Variants in TTBK2 observed in about 807,000 individuals in gnomAD.
TTBK2 encodes tau tubulin kinase 2.
A neutral mutation model predicts 110.8 loss-of-function variants in TTBK2; 28 were observed. The observed-to-expected ratio is 0.25, with a 90% CI of 0.19 to 0.35. TTBK2 has a LOEUF of 0.35. Ranked by LOEUF, TTBK2 falls within the 10% of genes least tolerant of loss-of-function variation. The probability of loss-of-function intolerance (pLI) is 1.00; values close to 1 mark genes in which losing one functional copy is unlikely to be tolerated. For synonymous variants in TTBK2, 532 were observed against 527.3 expected (o/e 1.01, Z -0.12); for missense variants, 1,369 against 1,500.3 (o/e 0.91, Z 1.45).
At chr15:42,750,845 G>A (rs546603984) in intron 14 of TTBK2, among the ~76,000 whole-genome samples, 12 of 152,180 alleles carry the variant, frequency 7.9e-5, no homozygotes, top group Non-Finnish European at 1.5e-4. Flanking sequence ...CAAAGACAGA[G>A]AATCTTGAGA....
chr15:42,814,355 G>A (rs534161648), intron 7 of TTBK2, among the ~76,000 whole-genome samples: 27 of 152,308 alleles, frequency 1.8e-4, no homozygotes, highest in African/African-American at 6.3e-4. Flanking sequence ...AAGGCTAGAA[G>A]ACTGCTTGAG....
At chr15:42,833,620 C>T (rs1892866144) in intron 4 of TTBK2, among the ~76,000 whole-genome samples, 2 of 152,106 alleles carry the variant, frequency 1.3e-5, no homozygotes, top group Non-Finnish European at 2.9e-5. Context: ...CATCTATAAT[C>T]CCAACACTTT....
intron 3 of TTBK2, among the ~76,000 whole-genome samples, chr15:42,858,623 C>T (rs1229354536): frequency 6.6e-6 from 1 of 152,092 alleles, no homozygotes; most frequent in Non-Finnish European, 1.5e-5. Context: ...CAAAGCCGAA[C>T]AAGTGAAAAA....
intron 1 of TTBK2, among the ~76,000 whole-genome samples, chr15:42,900,944 T>C (rs1471421720): frequency 6.6e-6 from 1 of 152,090 alleles, no homozygotes; most frequent in East Asian, 1.9e-4. Context: ...TTTCAACAAA[T>C]GATGTTGGGG....
In TTBK2 at chr15:42,906,048, C is replaced by T. The variant is rs148551660; in HGVS notation, c.-68+14390G>A. On this transcript the variant is annotated intron_variant, in intron 1 of 14. Transcript: ENST00000267890. ...TACTAAAAATACAAAATTAGCTGGG[C>T]GTGGTAGTGCATGCCTGTAATCCCA... Among the ~76,000 whole-genome samples the T allele has an allele frequency of 2.4e-3, 370 of 152,126 alleles. 1 individual carries two copies. The highest frequency in any genetic ancestry group is 8.5e-3 in the African/African-American group (353 of 41,516).
At chr15:42,861,445 C>A (rs950435040) in intron 3 of TTBK2, among the ~76,000 whole-genome samples, 2 of 152,112 alleles carry the variant, frequency 1.3e-5, no homozygotes, top group African/African-American at 4.8e-5. Context: ...CCAAAAAGAT[C>A]TATCAAAACT....
intron 3 of TTBK2, among the ~76,000 whole-genome samples, chr15:42,859,596 C>T (rs1894077036): frequency 6.6e-6 from 1 of 152,100 alleles, no homozygotes; most frequent in Non-Finnish European, 1.5e-5. Flanking sequence ...GGAATGCCTC[C>T]CCTCTCTCCA....
rs1595958827 is a variant in TTBK2 at position 42,829,971 on chromosome 15, A to G, written c.399T>C (p.His133=). The stretch of plus-strand genomic sequence containing the variant: ...TGTCTCGATGCAAGAATCCCACAGA[A>G]TGAATGCTTTCAATAGACTCCAAAA... ...RQILESIESI[H]SVGFLHRDIK... is the part of the protein sequence containing the mutation. The change falls in exon 5 of 15, where the codon CAT becomes CAC. Residue 133 remains histidine (H), a synonymous_variant. Transcript: ENST00000267890. 6.2e-7 allele frequency: 1 copy of G among 1,614,182 alleles called. No individual in the cohort carries two copies. The highest frequency in any genetic ancestry group is 2.2e-5 in the East Asian group (1 of 44,888).
intron 10 of TTBK2, among the ~76,000 whole-genome samples, chr15:42,787,749 T>C (rs934122535): frequency 1.2e-4 from 18 of 152,238 alleles, no homozygotes; most frequent in African/African-American, 3.6e-4. Flanking sequence ...TAGATTCTGA[T>C]AAGTAGTGTT....
At chr15:42,838,781 A>G (rs1418867702) in intron 4 of TTBK2, among the ~76,000 whole-genome samples, 1 of 151,368 alleles carries the variant, frequency 6.6e-6, no homozygotes, top group Non-Finnish European at 1.5e-5. Flanking sequence ...GCACTACTAC[A>G]CTCCAGCCTG....
intron 9 of TTBK2, chr15:42,802,187 G>A: frequency 8.5e-7 from 1 of 1,172,556 alleles, no homozygotes. Context: ...TCCAGGTTAA[G>A]AGGGCTCAGC....
At chr15:42,910,921 G>A (rs927732877) in intron 1 of TTBK2, among the ~76,000 whole-genome samples, 5 of 151,982 alleles carry the variant, frequency 3.3e-5, no homozygotes, top group African/African-American at 1.2e-4. Context: ...GCAGGTGCCT[G>A]TAATCCCAGC....
At chr15:42,763,121 C>CATAT (rs1191445554) in intron 13 of TTBK2, among the ~76,000 whole-genome samples, 6 of 86,310 alleles carry the variant, frequency 7.0e-5, no homozygotes, top group Non-Finnish European at 1.2e-4. Flanking sequence ...TATATATACA[C>CATAT]ATATATATAC....
At position 42,741,236 on chromosome 15, in the gene TTBK2, G is replaced by C. The variant is rs982848006; in HGVS notation, c.*4559C>G. The C allele has an allele frequency of 1.3e-5, 2 of 152,144 alleles. No homozygotes were observed. The highest frequency in any genetic ancestry group is 4.8e-5 in the African/African-American group (2 of 41,446). 9.4% of individuals were successfully genotyped at this position (152,144 alleles called of 1,614,324 possible). ...TCCACTGGGTGAGGACAGGGAAGTA[G>C]GATGTCCCAACACCCTCTGAGGGTT... On this transcript the variant is annotated 3_prime_UTR_variant, in exon 15 of 15. Transcript: ENST00000267890.
chr15:42,900,740 T>C (rs2029944322), intron 1 of TTBK2, among the ~76,000 whole-genome samples: 1 of 152,002 alleles, frequency 6.6e-6, no homozygotes, highest in South Asian at 2.1e-4. Context: ...AAAAAAACAG[T>C]AGTTATTTCT....
chr15:42,885,858 A>C (rs1895222507), intron 1 of TTBK2, among the ~76,000 whole-genome samples: 1 of 152,076 alleles, frequency 6.6e-6, no homozygotes. Context: ...CTCTCGCCTG[A>C]CCTAAAATCT....
At chr15:42,840,310 A>T in intron 4 of TTBK2, 50 bp downstream of exon 4, 2 of 1,449,382 alleles carry the variant, frequency 1.4e-6, no homozygotes, top group Non-Finnish European at 1.9e-6. Flanking sequence ...GTAATTGTAT[A>T]CTTTGATCAA....
chr15:42,746,127 G>A lies in TTBK2; in HGVS notation c.3403C>T (p.His1135Tyr). Reference protein sequence around the residue: ...TTQCKSPGSPHNPKTPPKSPV... With the variant: ...TTQCKSPGSPYNPKTPPKSPV... The stretch of plus-strand genomic sequence containing the variant: ...CTCTTGGGTGGTGTTTTTGGATTGT[G>A]AGGAGATCCTGGACTCTTGCACTGA... Residue 1135 changes from histidine (H) to tyrosine (Y), a missense_variant, in exon 15 of 15, where the codon CAC becomes TAC. By Grantham distance (83) the His-to-Tyr change is moderately conservative. Coordinates refer to ENST00000267890, the MANE Select transcript of TTBK2 (RefSeq NM_173500.4). The A allele has an allele frequency of 6.2e-7, 1 of 1,614,156 alleles. No homozygotes were observed.
chr15:42,782,836 A>G (rs1890237503), intron 11 of TTBK2, among the ~76,000 whole-genome samples: 1 of 152,208 alleles, frequency 6.6e-6, no homozygotes, highest in Non-Finnish European at 1.5e-5. Context: ...ATTCTCTCGC[A>G]TACACGGATA....
Sources: allele counts gnomAD v4.1 joint callset (sites outside exome capture counted in the v4.1 genomes callset), GRCh38; gene constraint gnomAD v4.1.1; transcripts MANE v1.5; gene names NCBI Gene and HGNC (gene_info 2026-07-23, HGNC 2026-07-21).